Variants in KLHL13 observed in about 807,000 individuals in gnomAD.
KLHL13 encodes kelch-like protein 13.
A neutral mutation model predicts 37.1 loss-of-function variants in KLHL13; 10 were observed. That is an observed-to-expected ratio of 0.27 (90% CI 0.17 to 0.46). The LOEUF is 0.46. Among genes scored for constraint, KLHL13 ranks in the 20% least tolerant of loss-of-function variants. The pLI is 1.00. For missense variants in KLHL13, 360 were observed against 509.3 expected (o/e 0.71, Z 2.82); for synonymous variants, 163 against 181.2 (o/e 0.90, Z 0.81).
intron 1 of KLHL13, among the ~76,000 whole-genome samples, chrX:117,956,458 C>A (rs1190619427): frequency 9.0e-6 from 1 of 111,261 alleles, no homozygotes; most frequent in Non-Finnish European, 1.9e-5. Flanking sequence ...TAGTAGGCAT[C>A]AAGCATTCAA....
intron 4 of KLHL13, among the ~76,000 whole-genome samples, chrX:117,912,854 T>G (rs1931078581): frequency 8.9e-6 from 1 of 111,878 alleles, no homozygotes; most frequent in Non-Finnish European, 1.9e-5. Flanking sequence ...ACTGTGAGTA[T>G]ACAACAAAGG....
At chrX:117,993,999 G>A (rs1201013970) in intron 1 of KLHL13, among the ~76,000 whole-genome samples, 1 of 110,009 alleles carries the variant, frequency 9.1e-6, no homozygotes, top group Non-Finnish European at 1.9e-5. Context: ...GCCTCCCAAA[G>A]TGCTGGGATT....
At chrX:117,958,907 A>G (rs2053245520) in intron 1 of KLHL13, among the ~76,000 whole-genome samples, 1 of 111,954 alleles carries the variant, frequency 8.9e-6, no homozygotes, top group East Asian at 2.8e-4. Context: ...AAATAAAAAT[A>G]AATAAATAAT....
At chrX:117,994,936 T>C (rs1050832144) in intron 1 of KLHL13, among the ~76,000 whole-genome samples, 2 of 111,665 alleles carry the variant, frequency 1.8e-5, no homozygotes, top group Non-Finnish European at 3.8e-5. Flanking sequence ...GGTACATGCC[T>C]GTGAGGGACG....
At chrX:118,026,295 A>G in intron 1 of KLHL13, among the ~76,000 whole-genome samples, 1 of 112,086 alleles carries the variant, frequency 8.9e-6, no homozygotes. Context: ...AATATGAGGG[A>G]TCTTCAAAAA....
chrX:118,069,149 C>CACA (rs1569308000), intron 1 of KLHL13, among the ~76,000 whole-genome samples: 4 of 80,898 alleles, frequency 4.9e-5, no homozygotes, highest in African/African-American at 2.2e-4. Context: ...ACACACACAC[C>CACA]CTCACCTGAA....
chrX:117,935,420 AAC>A (rs1235192993), intron 2 of KLHL13, among the ~76,000 whole-genome samples: 1 of 112,378 alleles, frequency 8.9e-6, no homozygotes, highest in Admixed American at 9.4e-5. Flanking sequence ...GATCTACAGA[AAC>A]AGAGAAAAGA....
intron 1 of KLHL13, among the ~76,000 whole-genome samples, chrX:118,015,952 C>A (rs2054124001): frequency 9.0e-6 from 1 of 110,780 alleles, no homozygotes; most frequent in Non-Finnish European, 1.9e-5. Context: ...AAAACCAGAC[C>A]CTCACAAGTT....
rs763004465 is a variant in KLHL13 at position 117,963,465 on chromosome X, T to C, written c.98+9266A>G. Among the ~76,000 whole-genome samples the C allele has an allele frequency of 4.5e-5, 5 of 111,904 alleles. No individual in the cohort carries two copies. The East Asian group carries it at 1.4e-3, about 31-fold the overall frequency. On this transcript the variant is annotated intron_variant, in intron 1 of 6. Coordinates refer to ENST00000262820, the Ensembl canonical transcript of KLHL13. Reference sequence around the variant, plus strand: ...TGTTGTTTAAAAAGACACTATGAACTTTAAACATAAATTGCTTCATTTTCC... The same window carrying C: ...TGTTGTTTAAAAAGACACTATGAACCTTAAACATAAATTGCTTCATTTTCC...
chrX:117,944,316 A>G (rs184940019), intron 2 of KLHL13, among the ~76,000 whole-genome samples: 277 of 111,368 alleles, frequency 2.5e-3, no homozygotes, highest in African/African-American at 8.4e-3. Context: ...TCTATTGATG[A>G]CCCACAGGAC....
chrX:118,019,746 G>A (rs2054178144), intron 1 of KLHL13, among the ~76,000 whole-genome samples: 1 of 108,270 alleles, frequency 9.2e-6, no homozygotes, highest in African/African-American at 3.5e-5. Flanking sequence ...TTATTAAATA[G>A]GGAATCCTTT....
Position 118,089,616 on chromosome X carries a change from GAA to G in KLHL13, c.-56+26890_-56+26891del, listed in dbSNP as rs1430526847. ...AGAGAGAGAGAGAGAGAGAGAGAAA[GAA>G]AGAGAAAGAAAGAAAGAAAGAAAGA... On this transcript the variant is annotated intron_variant, in intron 1 of 6. Transcript: ENST00000371882. Among the ~76,000 whole-genome samples the G allele has an allele frequency of 8.2e-5, 5 of 60,929 alleles. No homozygotes were observed. In the East Asian group the frequency reaches 2.2e-3, roughly 27 times the overall value. 52.9% of individuals were successfully genotyped at this position (60,929 alleles called of 115,157 possible).
At chrX:117,929,493 A>C (rs2147738950) in intron 2 of KLHL13, among the ~76,000 whole-genome samples, 1 of 111,602 alleles carries the variant, frequency 9.0e-6, no homozygotes, top group South Asian at 3.8e-4. Context: ...TGAAGAGTTT[A>C]TAACTCCAAT....
intron 4 of KLHL13, among the ~76,000 whole-genome samples, chrX:117,911,226 T>C (rs1210371834): frequency 8.9e-6 from 1 of 111,797 alleles, no homozygotes; most frequent in Non-Finnish European, 1.9e-5. Flanking sequence ...CACACCTGTA[T>C]AGTTAACAGA....
intron 1 of KLHL13, among the ~76,000 whole-genome samples, chrX:118,056,111 G>T (rs1485742010): frequency 9.0e-6 from 1 of 111,714 alleles, no homozygotes; most frequent in Non-Finnish European, 1.9e-5. Flanking sequence ...GTAAAAAAAT[G>T]AGTCCAGCAA....
At chrX:117,947,867 A>G (rs1933396931) in intron 1 of KLHL13, 1 of 112,116 alleles carries the variant, frequency 8.9e-6, no homozygotes, top group African/African-American at 3.2e-5. Context: ...GCAAGGAGGT[A>G]ACACTTCTCT....
At chrX:118,045,170 G>A (rs1409865805) in intron 1 of KLHL13, among the ~76,000 whole-genome samples, 15 of 109,319 alleles carry the variant, frequency 1.4e-4, no homozygotes, top group South Asian at 8.0e-4. Flanking sequence ...TCAGGAGATC[G>A]AGACCATCCT....
intron 1 of KLHL13, among the ~76,000 whole-genome samples, chrX:118,097,169 T>A (rs1376607515): frequency 9.0e-6 from 1 of 111,341 alleles, no homozygotes; most frequent in Non-Finnish European, 1.9e-5. Context: ...TGATTATATA[T>A]CTAGAAAACC....
chrX:118,083,493 C>T (rs1602709186), intron 1 of KLHL13, among the ~76,000 whole-genome samples: 1 of 111,375 alleles, frequency 9.0e-6, no homozygotes, highest in African/African-American at 3.3e-5. Flanking sequence ...AGGACAAATA[C>T]CATATGATTC....
Sources: gnomAD v4.1 joint callset for allele counts (sites outside exome capture counted in the v4.1 genomes callset) on GRCh38, gnomAD v4.1.1 for gene constraint, MANE v1.5 for transcripts, NCBI Gene and HGNC (gene_info 2026-07-23, HGNC 2026-07-21) for gene names.